Variants in CGNL1 observed in about 807,000 individuals in gnomAD.
CGNL1 encodes cingulin-like protein 1.
CGNL1 carries 132 observed loss-of-function variants against 141.2 expected under a neutral mutation model. That is an observed-to-expected ratio of 0.93 (90% CI 0.81 to 1.08). The LOEUF (loss-of-function observed/expected upper bound fraction) is 1.08. CGNL1 is among the 50% of genes least tolerant of loss of function. CGNL1 has a pLI of 0.00. For synonymous variants in CGNL1, 690 were observed against 622.1 expected (o/e 1.11, Z -1.63); for missense variants, 1,870 against 1,588.6 (o/e 1.18, Z -3.01).
At chr15:57,543,818 C>G (rs747452815) in intron 15 of CGNL1, 39 bp downstream of exon 15, 1 of 1,478,984 alleles carries the variant, frequency 6.8e-7, no homozygotes, top group Non-Finnish European at 9.4e-7. Context: ...CCCCGTCCAT[C>G]CGCTAACCCT....
chr15:57,379,232 T>C (rs2062400015), intron 1 of CGNL1, among the ~76,000 whole-genome samples: 1 of 152,168 alleles, frequency 6.6e-6, no homozygotes, highest in African/African-American at 2.4e-5. Flanking sequence ...GTGAATATAA[T>C]AATACACTCT....
chr15:57,397,697 C>T (rs2062617155), intron 1 of CGNL1, among the ~76,000 whole-genome samples: 3 of 151,900 alleles, frequency 2.0e-5, no homozygotes, highest in African/African-American at 4.8e-5. Flanking sequence ...TGACATGTGA[C>T]GAGCCTTTTT....
intron 1 of CGNL1, among the ~76,000 whole-genome samples, chr15:57,432,181 C>T (rs2063052834): frequency 1.3e-5 from 2 of 152,194 alleles, no homozygotes; most frequent in South Asian, 4.1e-4. Context: ...GGGCCAGCCA[C>T]AGCATAAAGG....
intron 8 of CGNL1, among the ~76,000 whole-genome samples, chr15:57,479,226 T>C (rs1412258447): frequency 1.4e-4 from 22 of 152,038 alleles, no homozygotes; most frequent in Non-Finnish European, 2.9e-5. Flanking sequence ...GAGAAGGCAG[T>C]TGGACCAAGG....
intron 8 of CGNL1, among the ~76,000 whole-genome samples, chr15:57,506,284 G>T (rs1335313199): frequency 6.6e-6 from 1 of 152,242 alleles, no homozygotes; most frequent in African/African-American, 2.4e-5. Context: ...GCTCCTTGAA[G>T]GCGAACGGCA....
At chr15:57,429,883 C>T (rs1464760260) in intron 1 of CGNL1, among the ~76,000 whole-genome samples, 1 of 152,190 alleles carries the variant, frequency 6.6e-6, no homozygotes, top group Admixed American at 6.5e-5. Flanking sequence ...GATCATAGCT[C>T]CCTGCAGCCT....
chr15:57,394,101 G>GTGTTTTTTT (rs2062574137), intron 1 of CGNL1: 1 of 33,470 alleles, frequency 3.0e-5, no homozygotes, highest in Non-Finnish European at 6.4e-5. Context: ...GGTAATTTCT[G>GTGTTTTTTT]TTTGTTTTTT....
intron 1 of CGNL1, among the ~76,000 whole-genome samples, chr15:57,426,522 C>T (rs2062976609): frequency 6.6e-6 from 1 of 151,444 alleles, no homozygotes; most frequent in African/African-American, 2.4e-5. Flanking sequence ...TCATGGCTCA[C>T]TGCAGCCTCA....
chr15:57,432,238 C>T lies in CGNL1; in HGVS notation c.-15-5747C>T, dbSNP rs1439094512. ...TTGCATTTCCTCCGTAGCCACAGGG[C>T]CCCTGGAATGGCTGGTGAATATGCA... On this transcript the variant is annotated intron_variant, in intron 1 of 18. Transcript: ENST00000281282. Among the ~76,000 whole-genome samples, 5 of 152,248 alleles carry T rather than the reference C, an allele frequency of 3.3e-5. No individual in the cohort carries two copies. The South Asian group carries it at 6.2e-4, about 19-fold the overall frequency.
At chr15:57,545,959 G>C in intron 17 of CGNL1, 117 bp from the exon 18 acceptor site, 5 of 1,146,302 alleles carry the variant, frequency 4.4e-6, no homozygotes, top group African/African-American at 3.1e-5. Context: ...CAAGAGACTG[G>C]CTGCCCCATT....
intron 7 of CGNL1, 152 bp from the exon 8 acceptor site, chr15:57,461,528 T>C: frequency 1.5e-6 from 1 of 668,020 alleles, no homozygotes; most frequent in Non-Finnish European, 2.7e-6. Flanking sequence ...GAGGAAGAAA[T>C]GGTCTAAACA....
Position 57,528,643 on chromosome 15 carries a change from TCTC to T in CGNL1, c.3040-5_3040-3del. On this transcript the variant is annotated splice_polypyrimidine_tract_variant and splice_region_variant and intron_variant, in intron 12 of 18. Coordinates refer to ENST00000281282, the MANE Select transcript of CGNL1 (RefSeq NM_032866.5). ...ACCCCAGAAAACCATCCCAGCTGTC[TCTC>T]CTCCTAGATGCGTCTGATGGAGGAA... 1 of 1,613,644 alleles carries T rather than the reference TCTC, an allele frequency of 6.2e-7. No homozygotes were observed. Among genetic ancestry groups the T allele is most frequent in the Non-Finnish European group, 8.5e-7 (1 of 1,179,774 alleles).
At chr15:57,457,789 C>A (rs1038111899) in intron 7 of CGNL1, among the ~76,000 whole-genome samples, 1 of 152,162 alleles carries the variant, frequency 6.6e-6, no homozygotes, top group Non-Finnish European at 1.5e-5. Flanking sequence ...CCACTGGGCT[C>A]CTCCCTCAAC....
In CGNL1 at chr15:57,391,402, T is replaced by C. The variant is rs118029398; in HGVS notation, c.-16+14835T>C. Among the ~76,000 whole-genome samples, 166 of 152,294 alleles carry C rather than the reference T, an allele frequency of 1.1e-3. No individual in the cohort carries two copies. The East Asian group carries it at 0.022, about 20-fold the overall frequency. Reference sequence around the variant, plus strand: ...TCTTTAGTGAAGAGCTGCTAGACTTTGAGGAAGAAAAGGCTCTAGCCACTT... The same window carrying C: ...TCTTTAGTGAAGAGCTGCTAGACTTCGAGGAAGAAAAGGCTCTAGCCACTT... On this transcript the variant is annotated intron_variant, in intron 1 of 18. Transcript: ENST00000281282.
chr15:57,508,454 A>C (rs1470259555), intron 8 of CGNL1, among the ~76,000 whole-genome samples: 1 of 152,342 alleles, frequency 6.6e-6, no homozygotes, highest in East Asian at 1.9e-4. Flanking sequence ...TTACTAAAAT[A>C]ATTTCAACTT....
At chr15:57,460,677 T>A (rs541852949) in intron 7 of CGNL1, among the ~76,000 whole-genome samples, 1 of 152,232 alleles carries the variant, frequency 6.6e-6, no homozygotes, top group African/African-American at 2.4e-5. Flanking sequence ...TCATATCTCA[T>A]GAGAACTCAC....
chr15:57,519,584 A>G (rs1157294019), intron 10 of CGNL1, among the ~76,000 whole-genome samples: 1 of 152,104 alleles, frequency 6.6e-6, no homozygotes. Flanking sequence ...TCAATGTCTG[A>G]CTGCCTTCAC....
rs1462107238 is a variant in CGNL1 at position 57,453,838 on chromosome 15, C to G, written c.2190+20C>G. ...ATTGAGGTAAGCAGGGCTGTGGGGTCAGGTGATAAGACAGGCCCCACCTGC... is the reference window on the plus strand; with the variant it reads ...ATTGAGGTAAGCAGGGCTGTGGGGTGAGGTGATAAGACAGGCCCCACCTGC... On this transcript the variant is annotated intron_variant, in intron 7 of 18. Coordinates refer to ENST00000281282, the MANE Select transcript of CGNL1 (RefSeq NM_032866.5). 15 of 1,611,974 alleles carry G rather than the reference C, an allele frequency of 9.3e-6. No individual in the cohort carries two copies. Among genetic ancestry groups the G allele is most frequent in the Middle Eastern group, 1.9e-4 (1 of 5,346 alleles).
Position 57,409,465 on chromosome 15 carries a change from CA to C in CGNL1, c.-15-28518del, listed in dbSNP as rs1370282874. On this transcript the variant is annotated intron_variant, in intron 1 of 18. Transcript: ENST00000281282. ...ATGGGGAGAACAGGTTGGAGGAAAA[CA>C]AGCCTGAAGACTGAGGATCAACTTA... Among the ~76,000 whole-genome samples the C allele has an allele frequency of 6.6e-5, 10 of 152,284 alleles. 1 individual carries two copies. The East Asian group carries it at 1.7e-3, about 26-fold the overall frequency.
Sources: gnomAD v4.1 joint callset for allele counts (sites outside exome capture counted in the v4.1 genomes callset) on GRCh38, gnomAD v4.1.1 for gene constraint, MANE v1.5 for transcripts, NCBI Gene and HGNC (gene_info 2026-07-23, HGNC 2026-07-21) for gene names.